SMYD3: variants seen among roughly 807,000 people sequenced by gnomAD.
SMYD3 encodes the protein histone-lysine N-methyltransferase SMYD3.
A neutral mutation model predicts 57.7 loss-of-function variants in SMYD3; 36 were observed. The ratio of observed to expected loss-of-function variants is 0.62; its 90% CI spans 0.48 to 0.82. The LOEUF (loss-of-function observed/expected upper bound fraction) is 0.82. SMYD3 is among the 40% of genes least tolerant of loss of function. The pLI is 0.00. For synonymous variants in SMYD3, 211 were observed against 195.0 expected, an observed-to-expected ratio of 1.08 and a Z score of -0.68; for missense variants, 515 against 538.8, an observed-to-expected ratio of 0.96 and a Z score of 0.44.
intron 5 of SMYD3, among the ~76,000 whole-genome samples, chr1:246,050,049 A>G (rs902516863): frequency 2.0e-5 from 3 of 152,256 alleles, no homozygotes; most frequent in Non-Finnish European, 4.4e-5. Flanking sequence ...GCATTAATAT[A>G]ACCAACAAAC....
intron 10 of SMYD3, among the ~76,000 whole-genome samples, chr1:245,844,463 C>G (rs370167883): frequency 6.6e-6 from 1 of 152,144 alleles, no homozygotes; most frequent in Non-Finnish European, 1.5e-5. Context: ...AATAGGCTGA[C>G]GAAGTAAAAA....
At chr1:245,973,635 G>A (rs922635088) in intron 5 of SMYD3, among the ~76,000 whole-genome samples, 17 of 152,214 alleles carry the variant, frequency 1.1e-4, no homozygotes, top group Admixed American at 7.2e-4. Context: ...TTTTCTCAGC[G>A]AAAAGAGTTC....
chr1:245,952,349 T>C (rs1169040261), intron 5 of SMYD3, among the ~76,000 whole-genome samples: 1 of 151,844 alleles, frequency 6.6e-6, no homozygotes, highest in African/African-American at 2.4e-5. Context: ...AACAGATGAG[T>C]TGATGACAAA....
chr1:246,126,843 G>T (rs566587318), intron 5 of SMYD3, among the ~76,000 whole-genome samples: 1 of 152,228 alleles, frequency 6.6e-6, no homozygotes, highest in African/African-American at 2.4e-5. Flanking sequence ...ATAATAAAAT[G>T]CACTGAAAGC....
rs77356836 is a variant in SMYD3, at chr1:246,275,698, T to C, written c.531+51503A>G. ...ATGTTTGAATACTAACTCTGTTTTT[T>C]ACTAGCTGTATTAACACTGGCAAGT... is the stretch of plus-strand genomic sequence containing the variant. On this transcript the variant is annotated intron_variant, in intron 5 of 11. Transcript: ENST00000490107. Among the ~76,000 whole-genome samples, 4 of 151,258 alleles carry C rather than the reference T, an allele frequency of 2.6e-5. No homozygotes were observed. The East Asian group carries it at 5.9e-4, about 22-fold the overall frequency.
intron 11 of SMYD3, among the ~76,000 whole-genome samples, chr1:245,753,797 C>T (rs1426662995): frequency 6.6e-6 from 1 of 152,240 alleles, no homozygotes; most frequent in Non-Finnish European, 1.5e-5. Context: ...AGCTCTGTGT[C>T]TCCCTTCTCC....
chr1:246,453,559 AC>A (rs1410327240), intron 1 of SMYD3, among the ~76,000 whole-genome samples: 1 of 152,196 alleles, frequency 6.6e-6, no homozygotes, highest in Non-Finnish European at 1.5e-5. Flanking sequence ...AAAAATTACA[AC>A]CCTGCTGGTT....
chr1:246,064,476 T>C (rs1046115264), intron 5 of SMYD3, among the ~76,000 whole-genome samples: 1 of 152,214 alleles, frequency 6.6e-6, no homozygotes, highest in Admixed American at 6.5e-5. Context: ...TTAAGAAGTA[T>C]GTAGGCTTTA....
At chr1:246,094,805 C>G (rs146988112) in intron 5 of SMYD3, among the ~76,000 whole-genome samples, 9 of 152,254 alleles carry the variant, frequency 5.9e-5, no homozygotes, top group Non-Finnish European at 8.8e-5. Flanking sequence ...TCATAACAAA[C>G]CTAACACACA....
chr1:246,395,964 G>C (rs1429599950), intron 1 of SMYD3, among the ~76,000 whole-genome samples: 2 of 152,296 alleles, frequency 1.3e-5, no homozygotes, highest in East Asian at 3.9e-4. Context: ...TAAGATGATA[G>C]GGTGGCTTTT....
chr1:245,817,912 T>A (rs201830600), intron 10 of SMYD3, among the ~76,000 whole-genome samples: 6 of 152,184 alleles, frequency 3.9e-5, no homozygotes, highest in East Asian at 3.9e-4. Flanking sequence ...AGACCAAATC[T>A]ACGTCTGATT....
At chr1:246,258,543 C>A (rs935677590) in intron 5 of SMYD3, among the ~76,000 whole-genome samples, 1 of 152,042 alleles carries the variant, frequency 6.6e-6, no homozygotes, top group East Asian at 1.9e-4. Context: ...TGAAAATAGC[C>A]CCCCCAACTC....
intron 10 of SMYD3, among the ~76,000 whole-genome samples, chr1:245,769,673 A>G (rs1453641504): frequency 6.6e-6 from 1 of 152,238 alleles, no homozygotes; most frequent in Non-Finnish European, 1.5e-5. Context: ...TGAGCATGAA[A>G]TGGCATTGCG....
rs144043657 is a variant in SMYD3, at chr1:245,846,798, G to A, written c.1076+11698C>T. Among the ~76,000 whole-genome samples the A allele has an allele frequency of 3.9e-3, 593 of 152,334 alleles. 3 individuals carry two copies. Among genetic ancestry groups the A allele is most frequent in the African/African-American group, 0.013 (544 of 41,578 alleles). ...AGAAAGATGATGCTAACCAATAGCT[G>A]GCAGATGCTTTTATGATTGTTGAAT... On this transcript the variant is annotated intron_variant, in intron 10 of 11. Transcript: ENST00000490107.
At chr1:246,292,476 A>G (rs1232334720) in intron 5 of SMYD3, among the ~76,000 whole-genome samples, 1 of 152,186 alleles carries the variant, frequency 6.6e-6, no homozygotes, top group Non-Finnish European at 1.5e-5. Flanking sequence ...CTTACTATCC[A>G]ATACACCAGT....
chr1:246,506,402 G>T (rs1055014282), intron 1 of SMYD3, among the ~76,000 whole-genome samples: 1 of 152,168 alleles, frequency 6.6e-6, no homozygotes, highest in African/African-American at 2.4e-5. Flanking sequence ...GCACACGGGG[G>T]ACCCGTGTCT....
intron 5 of SMYD3, among the ~76,000 whole-genome samples, chr1:246,142,439 G>A (rs758948698): frequency 1.8e-4 from 28 of 151,790 alleles, no homozygotes; most frequent in Non-Finnish European, 2.9e-4. Flanking sequence ...TATCCAAATT[G>A]ACAGCGCTAG....
At chr1:245,989,269 G>A (rs2058766343) in intron 5 of SMYD3, among the ~76,000 whole-genome samples, 1 of 151,948 alleles carries the variant, frequency 6.6e-6, no homozygotes, top group East Asian at 1.9e-4. Context: ...TGGGTCCACT[G>A]CTGCAAGATC....
intron 5 of SMYD3, among the ~76,000 whole-genome samples, chr1:245,978,889 T>C (rs1445749184): frequency 6.6e-6 from 1 of 152,162 alleles, no homozygotes; most frequent in Non-Finnish European, 1.5e-5. Flanking sequence ...TGATAATGAA[T>C]TTCTTTCCTG....
Sources: gnomAD v4.1 joint callset for allele counts (sites outside exome capture counted in the v4.1 genomes callset) on GRCh38, gnomAD v4.1.1 for gene constraint, MANE v1.5 for transcripts, NCBI Gene and HGNC (gene_info 2026-07-23, HGNC 2026-07-21) for gene names.